Variants in INTS2 observed in about 807,000 individuals in gnomAD.
INTS2 encodes the protein integrator complex subunit 2.
In INTS2, 57 loss-of-function variants were observed where a neutral mutation model predicts 139.6. The observed-to-expected ratio is 0.41, with a 90% CI of 0.33 to 0.51. The LOEUF (loss-of-function observed/expected upper bound fraction) is 0.51. INTS2 is among the 20% of genes least tolerant of loss of function. The pLI is 0.28. For synonymous variants in INTS2, 473 were observed against 493.4 expected (o/e 0.96, Z 0.55); for missense variants, 1,196 against 1,436.7 (o/e 0.83, Z 2.71).
chr17:61,900,345 G>A (rs1188853170), intron 9 of INTS2, among the ~76,000 whole-genome samples: 2 of 152,190 alleles, frequency 1.3e-5, no homozygotes, highest in Non-Finnish European at 2.9e-5. Context: ...ACAACTAGAA[G>A]AATACCCTTC....
chr17:61,881,363 G>C (rs1000343646), intron 16 of INTS2, among the ~76,000 whole-genome samples, 192 bp from the exon 17 acceptor site: 2 of 152,104 alleles, frequency 1.3e-5, no homozygotes, highest in African/African-American at 4.8e-5. Flanking sequence ...TTGGGAAGCC[G>C]AGGCGGGTGG....
intron 1 of INTS2, chr17:61,927,113 T>C (rs1428138949): frequency 1.5e-5 from 3 of 194,140 alleles, no homozygotes; most frequent in Admixed American, 5.4e-5. Context: ...CATACCCCGA[T>C]AGTTTCACAT....
intron 5 of INTS2, among the ~76,000 whole-genome samples, chr17:61,918,947 C>T (rs1200336385): frequency 7.5e-5 from 10 of 132,604 alleles, no homozygotes; most frequent in Non-Finnish European, 1.1e-4. Context: ...TTTTTTGAGA[C>T]GGAGTCTCGC....
At chr17:61,880,885 A>ATT in intron 17 of INTS2, 122 bp downstream of exon 17, 1 of 781,378 alleles carries the variant, frequency 1.3e-6, no homozygotes, top group East Asian at 2.6e-5. Context: ...TATACTTAAA[A>ATT]TACATTCACC....
At chr17:61,920,266 C>A (rs907568959) in intron 4 of INTS2, among the ~76,000 whole-genome samples, 6 of 151,032 alleles carry the variant, frequency 4.0e-5, no homozygotes, top group African/African-American at 1.5e-4. Flanking sequence ...ACCGCAACCT[C>A]CGCCTCCAGA....
chr17:61,919,360 A>G (rs781398943), intron 5 of INTS2, 40 bp downstream of exon 5: 6 of 991,510 alleles, frequency 6.1e-6, no homozygotes, highest in South Asian at 1.4e-5. Context: ...TACATGTCCA[A>G]GCAAGTCTTT....
chr17:61,916,599 G>A (rs2079585411), intron 5 of INTS2, among the ~76,000 whole-genome samples: 1 of 152,124 alleles, frequency 6.6e-6, no homozygotes, highest in Non-Finnish European at 1.5e-5. Context: ...CTAGCCATAT[G>A]CAGAAGAATG....
rs2079093904 is a variant in INTS2, at chr17:61,872,176, G to A, written c.2778+89C>T. 2.9e-6 allele frequency: 2 copies of A among 694,254 alleles called. No individual in the cohort carries two copies. Among genetic ancestry groups the A allele is most frequent in the East Asian group, 2.6e-5 (1 of 38,752 alleles). 43.0% of individuals were successfully genotyped at this position (694,254 alleles called of 1,614,324 possible). On this transcript the variant is annotated intron_variant, in intron 20 of 24. Transcript: ENST00000251334. The surrounding 1 kb of genome is among the most constrained non-coding windows in gnomAD (Gnocchi z 4.8). ...GCACAATATGTCACCAATGTACATG[G>A]AGCGCACAATGTGCCATCTATTGAA... is the stretch of plus-strand genomic sequence containing the variant.
chr17:61,877,785 G>T, intron 18 of INTS2, 102 bp downstream of exon 18: 2 of 789,740 alleles, frequency 2.5e-6, no homozygotes, highest in Non-Finnish European at 4.2e-6. Context: ...AACAAATACT[G>T]CTATGAGTGG....
At chr17:61,920,494 T>G (rs1401881345) in intron 4 of INTS2, among the ~76,000 whole-genome samples, 1 of 65,436 alleles carries the variant, frequency 1.5e-5, no homozygotes, top group African/African-American at 7.4e-5. Flanking sequence ...TACTTTTTTT[T>G]TTTTTTTTTT....
rs896554541 is a variant in INTS2 at position 61,907,322 on chromosome 17, G to A, written c.1181+86C>T. ...GTCCAACAGAAAACTTTAATCCTCT[G>A]AATAAAAGGCCTTTGGCTCACTTTC... is the stretch of plus-strand genomic sequence containing the variant. On this transcript the variant is annotated intron_variant, in intron 8 of 24. Transcript: ENST00000251334. 29 of 1,152,856 alleles carry A rather than the reference G, an allele frequency of 2.5e-5. No individual in the cohort carries two copies. The African/African-American group carries it at 3.9e-4, about 15-fold the overall frequency. The allele number at this position is 1,152,856 out of a possible 1,614,324, so 71.4% of individuals were successfully genotyped here.
At chr17:61,885,270 G>A (rs1035102843) in intron 15 of INTS2, 3 of 459,556 alleles carry the variant, frequency 6.5e-6, no homozygotes, top group Non-Finnish European at 1.2e-5. Context: ...GAGAAGCCAT[G>A]TGCAAAAGTG....
chr17:61,897,234 T>C lies in INTS2; in HGVS notation c.1494+235A>G, dbSNP rs2079358751. On this transcript the variant is annotated intron_variant, in intron 11 of 24. Coordinates refer to ENST00000251334, the MANE Select transcript of INTS2 (RefSeq NM_001351695.2). The surrounding 1 kb of genome is among the most constrained non-coding windows in gnomAD (Gnocchi z 4.4). ...TTAATAGTAGTATACTAGGTATCTC[T>C]GAATCATGGAATTATAAGATATCTT... Among the ~76,000 whole-genome samples the C allele has an allele frequency of 1.3e-5, 2 of 152,200 alleles. No homozygotes were observed. Among genetic ancestry groups the C allele is most frequent in the African/African-American group, 4.8e-5 (2 of 41,460 alleles).
At chr17:61,914,702 C>CA (rs58141533) in intron 5 of INTS2, among the ~76,000 whole-genome samples, 1,639 of 48,490 alleles carry the variant, frequency 0.034, 47 homozygotes, top group East Asian at 0.23. Context: ...GACTCCGTCT[C>CA]AAAAAAAAAA....
chr17:61,906,001 C>T (rs548462578), intron 8 of INTS2, among the ~76,000 whole-genome samples: 1 of 152,250 alleles, frequency 6.6e-6, no homozygotes, highest in East Asian at 1.9e-4. Context: ...CTGGCCTATG[C>T]TTTCATCTTT....
rs1452294897 is a variant in INTS2 at position 61,869,411 on chromosome 17, GAAATA to G, written c.3031-36_3031-32del. The stretch of plus-strand genomic sequence containing the variant: ...TCAACAAGAAACGGGAAAAAAGTCA[GAAATA>G]AAATAACTATAAAAGTACAGATAAA... On this transcript the variant is annotated intron_variant, in intron 21 of 24. Transcript: ENST00000251334. This position sits in a 1 kb window ranked among gnomAD's most constrained non-coding sequence, Gnocchi z 5.4. 2 of 1,335,642 alleles carry G rather than the reference GAAATA, an allele frequency of 1.5e-6. No individual in the cohort carries two copies. Among genetic ancestry groups the G allele is most frequent in the Non-Finnish European group, 1.0e-6 (1 of 955,762 alleles). The allele number at this position is 1,335,642 out of a possible 1,614,324, so 82.7% of individuals were successfully genotyped here.
In INTS2 at chr17:61,877,919, T is replaced by C. The variant is rs73332562; in HGVS notation, c.2424A>G (p.Leu808=). ...PRRILQTVNK[L]WMVLNTVMPR... ...GCATCACAGTATTAAGAACCATCCA[T>C]AGTTTATTGACTGTTTGCAGAATTC... is the stretch of plus-strand genomic sequence containing the variant. Residue 808 remains leucine, a synonymous_variant, in exon 18 of 25, where the codon CTA becomes CTG. Coordinates refer to ENST00000251334, the MANE Select transcript of INTS2 (RefSeq NM_001351695.2). 1,226 of 1,613,682 alleles carry C rather than the reference T, an allele frequency of 7.6e-4. 9 individuals are homozygous for C. The African/African-American group carries it at 0.014, about 18-fold the overall frequency.
In INTS2 at chr17:61,921,744, T is replaced by G. The variant is rs770923828; in HGVS notation, c.516A>C (p.Val172=). The change falls in exon 4 of 25, where the codon GTA becomes GTC. Residue 172 remains valine, a synonymous_variant. Coordinates refer to ENST00000251334, the MANE Select transcript of INTS2 (RefSeq NM_001351695.2). ...CAGTACCTGCTTGTAAAATACAAAG[T>G]ACATCTGCAGCTTCCTCCAAATATA... The part of the protein sequence containing the change: ...SPVYLEEAAD[V]LCILQAELPS... 1 of 1,594,594 alleles carries G rather than the reference T, an allele frequency of 6.3e-7. No individual in the cohort carries two copies. Among genetic ancestry groups the G allele is most frequent in the Non-Finnish European group, 8.6e-7 (1 of 1,169,178 alleles).
Position 61,911,531 on chromosome 17 carries a change from T to C in INTS2, c.943A>G (p.Asn315Asp), listed in dbSNP as rs201755832. ...VRTWFGTFIR[N>D]GQQRKRETSS... ...TATTTAACCCTCACCTGCTGTCCAT[T>C]TCGGATAAAAGTTCCAAACCAAGTC... The change falls in exon 7 of 25, where the codon AAT becomes GAT. Residue 315 changes from asparagine (N) to aspartate (D), a missense_variant. Asn to Asp is a conservative substitution (Grantham distance 23). Transcript: ENST00000251334. The C allele has an allele frequency of 3.6e-4, 579 of 1,613,984 alleles. 6 individuals carry two copies. Among genetic ancestry groups the C allele is most frequent in the South Asian group, 2.5e-3 (225 of 91,076 alleles).
Sources: allele counts gnomAD v4.1 joint callset (sites outside exome capture counted in the v4.1 genomes callset), GRCh38; gene constraint gnomAD v4.1.1; non-coding constraint Gnocchi (gnomAD v3.1); transcripts MANE v1.5; gene names NCBI Gene and HGNC (gene_info 2026-07-23, HGNC 2026-07-21).